The following PKD1L1 variants were observed in gnomAD, a reference collection of about 807,000 sequenced individuals.
PKD1L1 encodes the protein polycystin 1 like 1, transient receptor potential channel interacting.
Under a neutral mutation model 323.4 loss-of-function variants are expected in PKD1L1, and 236 were observed. The observed-to-expected ratio is 0.73, with a 90% CI of 0.66 to 0.81. The LOEUF (loss-of-function observed/expected upper bound fraction) is 0.81. PKD1L1 is among the 40% of genes least tolerant of loss of function. The pLI, the probability that PKD1L1 is intolerant of heterozygous loss-of-function variation, is 0.00. For missense variants in PKD1L1, 3,320 were observed against 3,508.0 expected, an observed-to-expected ratio of 0.95 and a Z score of 1.35; for synonymous variants, 1,344 against 1,335.0, an observed-to-expected ratio of 1.01 and a Z score of -0.15.
intron 26 of PKD1L1, among the ~76,000 whole-genome samples, chr7:47,860,019 T>C (rs1174472698): frequency 2.0e-5 from 3 of 152,348 alleles, no homozygotes; most frequent in South Asian, 4.1e-4. Flanking sequence ...CACCCAACTT[T>C]AACAATTATT....
intron 27 of PKD1L1, 68 bp downstream of exon 27, chr7:47,858,605 C>T: frequency 6.9e-7 from 1 of 1,449,188 alleles, no homozygotes. Context: ...GAAGCAATTA[C>T]AAATACAGGT....
chr7:47,826,226 C>G (rs1173761084), intron 45 of PKD1L1, among the ~76,000 whole-genome samples: 1 of 152,202 alleles, frequency 6.6e-6, no homozygotes, highest in African/African-American at 2.4e-5. Context: ...GGTGGGTGCA[C>G]TCTCTGGTTG....
At position 47,865,275 on chromosome 7, in the gene PKD1L1, G is replaced by C. The variant is rs1327637525; in HGVS notation, c.4093-3C>G. 7 of 1,612,084 alleles carry C rather than the reference G, an allele frequency of 4.3e-6. No individual in the cohort carries two copies. The South Asian group carries it at 6.6e-5, about 15-fold the overall frequency. ...AGAACAGAACCAATCATTTCTTCCT[G>C]ACCAGAAGAAACAACAATAAAACAA... On this transcript the variant is annotated splice_polypyrimidine_tract_variant and splice_region_variant and intron_variant, in intron 25 of 56. Transcript: ENST00000289672.
At chr7:47,938,554 C>T (rs1787915309) in intron 3 of PKD1L1, among the ~76,000 whole-genome samples, 1 of 152,216 alleles carries the variant, frequency 6.6e-6, no homozygotes, top group Admixed American at 6.5e-5. Context: ...AATCAGCAAA[C>T]TGCCCAGCAC....
chr7:47,866,751 G>A, intron 24 of PKD1L1, 137 bp from the exon 25 acceptor site: 1 of 659,060 alleles, frequency 1.5e-6, no homozygotes, highest in Non-Finnish European at 2.5e-6. Context: ...TGATACAAAG[G>A]AGAATTGGTC....
intron 56 of PKD1L1, among the ~76,000 whole-genome samples, chr7:47,788,915 A>C (rs1034374951): frequency 2.0e-5 from 3 of 152,160 alleles, no homozygotes; most frequent in African/African-American, 7.2e-5. Flanking sequence ...AATTTTTAAT[A>C]TTAAAACATT....
intron 53 of PKD1L1, among the ~76,000 whole-genome samples, chr7:47,802,161 C>T (rs1333485136): frequency 6.7e-6 from 1 of 148,332 alleles, no homozygotes; most frequent in African/African-American, 2.5e-5. Flanking sequence ...CACTGCCCTC[C>T]AGCCTGGGTG....
At chr7:47,865,434 T>G (rs1786142358) in intron 25 of PKD1L1, among the ~76,000 whole-genome samples, 162 bp from the exon 26 acceptor site, 1 of 152,208 alleles carries the variant, frequency 6.6e-6, no homozygotes, top group South Asian at 2.1e-4. Flanking sequence ...CAGAGACCAT[T>G]ACTGTTGTCT....
At chr7:47,848,606 G>C (rs960701710) in intron 31 of PKD1L1, among the ~76,000 whole-genome samples, 1 of 152,168 alleles carries the variant, frequency 6.6e-6, no homozygotes, top group African/African-American at 2.4e-5. Context: ...GGGAGTTCGA[G>C]ACCAGCCTGA....
chr7:47,786,550 A>G (rs1468063387), intron 56 of PKD1L1, among the ~76,000 whole-genome samples: 1 of 152,244 alleles, frequency 6.6e-6, no homozygotes, highest in Admixed American at 6.5e-5. Flanking sequence ...ACACTGAAAA[A>G]AATAAAGGCA....
chr7:47,824,883 A>G (rs933197633), intron 45 of PKD1L1, among the ~76,000 whole-genome samples: 1 of 152,204 alleles, frequency 6.6e-6, no homozygotes, highest in Non-Finnish European at 1.5e-5. Flanking sequence ...TCTCATTACA[A>G]AAGGTCCCAC....
At position 47,817,945 on chromosome 7, in the gene PKD1L1, T is replaced by C. The variant is rs148545096; in HGVS notation, c.6966-2488A>G. ...TATCTGACTGGTTTTATTTCTTTTTTCTTACGAAGAAATGATCTCTTATCC... is the reference window on the plus strand; with the variant it reads ...TATCTGACTGGTTTTATTTCTTTTTCCTTACGAAGAAATGATCTCTTATCC... On this transcript the variant is annotated intron_variant, in intron 46 of 56. Coordinates refer to ENST00000289672, the MANE Select transcript of PKD1L1 (RefSeq NM_138295.5). The C allele has an allele frequency of 2.8e-4, 277 of 1,000,502 alleles. No individual in the cohort carries two copies. In the African/African-American group the frequency reaches 4.3e-3, roughly 15 times the overall value. The allele number at this position is 1,000,502 out of a possible 1,614,324, so 62.0% of individuals were successfully genotyped here.
chr7:47,960,596 G>A, the PKD1L1 span, among the ~76,000 whole-genome samples: 1 of 151,054 alleles, frequency 6.6e-6, no homozygotes, highest in Non-Finnish European at 1.5e-5. Context: ...CCTTTAACTA[G>A]AGTGTGTGAC....
chr7:47,846,051 A>C (rs542608931), intron 32 of PKD1L1, among the ~76,000 whole-genome samples: 1 of 152,344 alleles, frequency 6.6e-6, no homozygotes, highest in African/African-American at 2.4e-5. Context: ...GCATTAGAAA[A>C]ATTTAAGAGT....
intron 46 of PKD1L1, chr7:47,819,783 G>A (rs1358622306): frequency 3.2e-5 from 9 of 279,096 alleles, no homozygotes; most frequent in Admixed American, 1.2e-4. Flanking sequence ...ATCTTGCTGC[G>A]TATGAATAAC....
rs990427219 is a variant in PKD1L1 at position 47,854,928 on chromosome 7, A to C, written c.4813T>G (p.Phe1605Val). ...PQESLQIEIE[F>V]SKPVTRAFPV... ...AATGCCCTTGTAACAGGTTTGGAAA[A>C]TTCAATTTCTATCTGTAGAGATTCC... The change falls in exon 30 of 57, where the codon TTT (phenylalanine) becomes GTT (valine). Residue 1605 changes from phenylalanine (F) to valine (V), a missense_variant. Coordinates refer to ENST00000289672, the MANE Select transcript of PKD1L1 (RefSeq NM_138295.5). 4 of 1,613,974 alleles carry C rather than the reference A, an allele frequency of 2.5e-6. No homozygotes were observed. The African/African-American group carries it at 5.3e-5, about 22-fold the overall frequency.
intron 4 of PKD1L1, among the ~76,000 whole-genome samples, chr7:47,935,663 C>T (rs1787854823): frequency 6.6e-6 from 1 of 152,198 alleles, no homozygotes; most frequent in Non-Finnish European, 1.5e-5. Flanking sequence ...CATGTGCGTC[C>T]ATTGGCACAG....
Position 47,898,090 on chromosome 7 carries a change from T to C in PKD1L1, c.2169A>G (p.Glu723=), listed in dbSNP as rs1205987273. ...CAGCAGGGAGGGAGACAGGGAGCCCTTCAGAGTCCATCAAGTTCCAGGTGT... is the reference window on the plus strand; with the variant it reads ...CAGCAGGGAGGGAGACAGGGAGCCCCTCAGAGTCCATCAAGTTCCAGGTGT... ...LSYTWNLMDS[E]GLPVSLPAAV... The change falls in exon 14 of 57, where the codon GAA becomes GAG. Residue 723 remains glutamate (E), a synonymous_variant. Coordinates refer to ENST00000289672, the MANE Select transcript of PKD1L1 (RefSeq NM_138295.5). The C allele has an allele frequency of 1.2e-6, 2 of 1,613,960 alleles. No homozygotes were observed. The highest frequency in any genetic ancestry group is 1.1e-5 in the South Asian group (1 of 91,072).
intron 26 of PKD1L1, among the ~76,000 whole-genome samples, chr7:47,859,904 A>G (rs1480975541): frequency 6.6e-6 from 1 of 152,196 alleles, no homozygotes; most frequent in Non-Finnish European, 1.5e-5. Flanking sequence ...CTGGGAGTAC[A>G]GGTGTGAGCC....
Sources: gnomAD v4.1 joint callset for allele counts (sites outside exome capture counted in the v4.1 genomes callset) on GRCh38, gnomAD v4.1.1 for gene constraint, MANE v1.5 for transcripts, NCBI Gene and HGNC (gene_info 2026-07-23, HGNC 2026-07-21) for gene names.